The following IPMK variants were observed in gnomAD, a reference collection of about 807,000 sequenced individuals.
IPMK encodes inositol 1,3,4,6-tetrakisphosphate 5-kinase.
IPMK carries 17 observed loss-of-function variants against 45.8 expected under a neutral mutation model. That is an observed-to-expected ratio of 0.37 (90% CI 0.25 to 0.56). The LOEUF is 0.56. Ranked by LOEUF, IPMK falls within the 20% of genes least tolerant of loss-of-function variation. IPMK has a pLI of 0.79. For missense variants in IPMK, 399 were observed against 498.0 expected (o/e 0.80, Z 1.89); for synonymous variants, 180 against 184.3 (o/e 0.98, Z 0.19).
intron 1 of IPMK, among the ~76,000 whole-genome samples, chr10:58,240,694 C>T (rs1009592003): frequency 6.7e-6 from 1 of 150,248 alleles, no homozygotes; most frequent in Admixed American, 6.6e-5. Context: ...AGCACTGACT[C>T]ACCCATGGAG....
intron 1 of IPMK, among the ~76,000 whole-genome samples, chr10:58,250,822 G>A (rs1281719549): frequency 6.6e-6 from 1 of 152,072 alleles, no homozygotes; most frequent in Non-Finnish European, 1.5e-5. Flanking sequence ...TTTCACAAAT[G>A]GCCTTTATTG....
At chr10:58,241,205 G>A (rs921126173) in intron 1 of IPMK, among the ~76,000 whole-genome samples, 1 of 152,188 alleles carries the variant, frequency 6.6e-6, no homozygotes, top group Non-Finnish European at 1.5e-5. Context: ...ACAGGAAAGA[G>A]GGGCAGGATA....
chr10:58,207,491 GT>G (rs774179765), intron 4 of IPMK, among the ~76,000 whole-genome samples: 1 of 152,174 alleles, frequency 6.6e-6, no homozygotes, highest in Non-Finnish European at 1.5e-5. Context: ...GGTTGTATTA[GT>G]TTACATTCCC....
At chr10:58,205,228 T>A (rs1838054325) in intron 4 of IPMK, among the ~76,000 whole-genome samples, 1 of 152,150 alleles carries the variant, frequency 6.6e-6, no homozygotes, top group African/African-American at 2.4e-5. Context: ...TAAATTGGAC[T>A]TCAAAATTAA....
rs770946028 is a variant in IPMK at position 58,196,325 on chromosome 10, T to C, written c.1002A>G (p.Ser334=). The change falls in exon 6 of 6, where the codon TCA becomes TCG. Residue 334 remains serine (S), a synonymous_variant. Transcript: ENST00000373935. ...IYTKKHHSQT[S]LKVENLEQDN... ...CTTGCTCCAGATTTTCAACTTTCAA[T>C]GAAGTCTGACTGTGATGCTTTTTTG... The C allele has an allele frequency of 1.9e-6, 3 of 1,614,186 alleles. No homozygotes were observed. The highest frequency in any genetic ancestry group is 2.5e-6 in the Non-Finnish European group (3 of 1,180,028).
At chr10:58,199,418 G>A in intron 4 of IPMK, 97 bp from the exon 5 acceptor site, 1 of 639,012 alleles carries the variant, frequency 1.6e-6, no homozygotes, top group Non-Finnish European at 2.5e-6. Flanking sequence ...ATCTACTCAG[G>A]TAATTCATTC....
At chr10:58,256,676 A>G (rs1564541046) in intron 1 of IPMK, among the ~76,000 whole-genome samples, 1 of 152,188 alleles carries the variant, frequency 6.6e-6, no homozygotes, top group East Asian at 1.9e-4. Flanking sequence ...TTCAGGGGGC[A>G]TCACAGAACC....
intron 1 of IPMK, among the ~76,000 whole-genome samples, chr10:58,263,188 C>G (rs1160201385): frequency 6.6e-6 from 1 of 152,020 alleles, no homozygotes; most frequent in Non-Finnish European, 1.5e-5. Flanking sequence ...TAGTTCAAGA[C>G]CAGCCTGGGC....
At chr10:58,247,540 TA>T (rs1445835654) in intron 1 of IPMK, among the ~76,000 whole-genome samples, 7 of 151,876 alleles carry the variant, frequency 4.6e-5, no homozygotes, top group South Asian at 2.1e-4. Flanking sequence ...TCATTCTCAG[TA>T]AACTATCACA....
Position 58,267,482 on chromosome 10 carries a change from T to C in IPMK, c.130A>G (p.Asn44Asp). Residue 44 changes from asparagine (N) to aspartate (D), a missense_variant, in exon 1 of 6, where the codon AAC (asparagine) becomes GAC (aspartate). Coordinates refer to ENST00000373935, the MANE Select transcript of IPMK (RefSeq NM_152230.5). The part of the protein sequence containing the change: ...QPAGGRLRFL[N>D]GCVPLSHQVA... ...TGATGCGAGAGGGGCACGCAGCCGTTGAGGAAGCGGAGTCTGCCGCCCGCC... is the reference window on the plus strand; with the variant it reads ...TGATGCGAGAGGGGCACGCAGCCGTCGAGGAAGCGGAGTCTGCCGCCCGCC... 6.2e-7 allele frequency: 1 copy of C among 1,613,714 alleles called. No individual in the cohort carries two copies. Among genetic ancestry groups the C allele is most frequent in the Non-Finnish European group, 8.5e-7 (1 of 1,179,876 alleles).
chr10:58,215,506 T>G (rs1357256577), intron 4 of IPMK, among the ~76,000 whole-genome samples: 1 of 151,782 alleles, frequency 6.6e-6, no homozygotes, highest in Non-Finnish European at 1.5e-5. Context: ...CCTCCTGGGC[T>G]CAAGTGATCC....
At chr10:58,259,078 A>T (rs1839016828) in intron 1 of IPMK, among the ~76,000 whole-genome samples, 1 of 152,184 alleles carries the variant, frequency 6.6e-6, no homozygotes, top group African/African-American at 2.4e-5. Flanking sequence ...AGGTATGGGG[A>T]TTAACTCAAA....
intron 5 of IPMK, among the ~76,000 whole-genome samples, chr10:58,197,544 G>C (rs1837921595): frequency 1.3e-5 from 2 of 151,682 alleles, no homozygotes; most frequent in South Asian, 2.1e-4. Context: ...TAGATACTCG[G>C]GAGGCTGAGG....
intron 4 of IPMK, among the ~76,000 whole-genome samples, chr10:58,214,645 TTATC>T (rs1838217399): frequency 6.6e-6 from 1 of 152,214 alleles, no homozygotes; most frequent in South Asian, 2.1e-4. Context: ...CAATGACAAT[TTATC>T]TATCATGCTT....
chr10:58,258,085 C>A (rs1457697040), intron 1 of IPMK, among the ~76,000 whole-genome samples: 1 of 152,004 alleles, frequency 6.6e-6, no homozygotes, highest in African/African-American at 2.4e-5. Context: ...CCAAGGCGTG[C>A]AGATCATGAG....
chr10:58,254,386 TA>T (rs1187611887), intron 1 of IPMK, among the ~76,000 whole-genome samples: 1 of 152,184 alleles, frequency 6.6e-6, no homozygotes, highest in African/African-American at 2.4e-5. Context: ...CTCTCTTTTT[TA>T]AAAAATCACT....
intron 4 of IPMK, among the ~76,000 whole-genome samples, chr10:58,213,934 C>G (rs755520923): frequency 4.6e-5 from 7 of 151,958 alleles, no homozygotes; most frequent in Non-Finnish European, 8.8e-5. Context: ...GGGGCAGAAG[C>G]CAGATTAGAA....
Position 58,249,278 on chromosome 10 carries a change from C to T in IPMK, c.191-11464G>A, listed in dbSNP as rs754859535. On this transcript the variant is annotated intron_variant, in intron 1 of 5. Coordinates refer to ENST00000373935, the MANE Select transcript of IPMK (RefSeq NM_152230.5). ...CTCTGTAACACAGGCTGGACTGCAG[C>T]GGCACAATCATAGCTCACTGCAGCC... 5.3e-5 allele frequency among the ~76,000 whole-genome samples: 8 copies of T among 152,114 alleles called. 1 individual carries two copies. In the South Asian group the frequency reaches 6.2e-4, roughly 12 times the overall value.
chr10:58,227,215 T>G (rs1181711916), intron 2 of IPMK, 76 bp from the exon 3 acceptor site: 3 of 1,069,850 alleles, frequency 2.8e-6, no homozygotes, highest in Non-Finnish European at 4.1e-6. Flanking sequence ...CAAATAAAAT[T>G]TATGTTGAAT....
Sources: gnomAD v4.1 joint callset for allele counts (sites outside exome capture counted in the v4.1 genomes callset) on GRCh38, gnomAD v4.1.1 for gene constraint, MANE v1.5 for transcripts, NCBI Gene and HGNC (gene_info 2026-07-23, HGNC 2026-07-21) for gene names.